The following IL1RAP variants were observed in gnomAD, a reference collection of about 807,000 sequenced individuals.
IL1RAP encodes interleukin 1 receptor accessory protein, also known as interleukin-1 receptor accessory protein.
IL1RAP carries 35 observed loss-of-function variants against 60.7 expected under a neutral mutation model. That is an observed-to-expected ratio of 0.58 (90% confidence interval 0.44 to 0.76). The LOEUF (loss-of-function observed/expected upper bound fraction) is 0.76. Among genes scored for constraint, IL1RAP ranks in the 30% least tolerant of loss-of-function variants. The probability of loss-of-function intolerance (pLI) is 0.00; values close to 1 mark genes in which losing one functional copy is unlikely to be tolerated. For missense variants in IL1RAP, 572 were observed against 693.9 expected, an observed-to-expected ratio of 0.82 and a Z score of 1.97; for synonymous variants, 268 against 250.9, an observed-to-expected ratio of 1.07 and a Z score of -0.64.
intron 3 of IL1RAP, among the ~76,000 whole-genome samples, chr3:190,566,097 C>T (rs1270004144): frequency 1.3e-5 from 2 of 151,956 alleles, no homozygotes; most frequent in Non-Finnish European, 2.9e-5. Flanking sequence ...TTCCTCCTTC[C>T]CTCCCTCTGT....
At chr3:190,558,673 A>C (rs1725635740) in intron 2 of IL1RAP, among the ~76,000 whole-genome samples, 1 of 152,004 alleles carries the variant, frequency 6.6e-6, no homozygotes. Context: ...CTTTTTCAAA[A>C]TTTTTCTCAA....
chr3:190,580,724 G>A (rs917548873), intron 3 of IL1RAP, among the ~76,000 whole-genome samples: 4 of 152,154 alleles, frequency 2.6e-5, no homozygotes, highest in Non-Finnish European at 5.9e-5. Context: ...CTACTCTACA[G>A]CTTAGTGCCT....
At chr3:190,617,549 T>C (rs1355378909) in intron 5 of IL1RAP, among the ~76,000 whole-genome samples, 1 of 152,222 alleles carries the variant, frequency 6.6e-6, no homozygotes, top group Non-Finnish European at 1.5e-5. Flanking sequence ...GACAAGTGTT[T>C]GCTTTATTGT....
chr3:190,648,414 C>T lies in IL1RAP; in HGVS notation c.1422C>T (p.Leu474=), dbSNP rs1734188515. Residue 474 remains leucine (L), a synonymous_variant, in exon 12 of 12, where the codon CTC becomes CTT. Transcript: ENST00000447382. ...TTGTTCTAAGCCCCAACTACGTGCT[C>T]CAGGGAACCCAAGCCCTCCTGGAGC... ...LLVVLSPNYV[L]QGTQALLELK... is the part of the protein sequence containing the mutation. The T allele has an allele frequency of 6.2e-7, 1 of 1,614,038 alleles. No individual in the cohort carries two copies. Among genetic ancestry groups the T allele is most frequent in the Non-Finnish European group, 8.5e-7 (1 of 1,179,960 alleles).
At chr3:190,608,962 T>C (rs751450674) in intron 4 of IL1RAP, 33 bp from the exon 5 acceptor site, 1 of 1,554,328 alleles carries the variant, frequency 6.4e-7, no homozygotes, top group South Asian at 1.1e-5. Flanking sequence ...CAAATGCAAA[T>C]ACTACCCATT....
chr3:190,554,018 G>A (rs1560164033), intron 1 of IL1RAP, among the ~76,000 whole-genome samples: 1 of 130,546 alleles, frequency 7.7e-6, no homozygotes, highest in Non-Finnish European at 1.5e-5. Context: ...CCGAGATCCC[G>A]CCACTGCACT....
intron 3 of IL1RAP, among the ~76,000 whole-genome samples, chr3:190,570,930 T>C (rs2108646244): frequency 6.6e-6 from 1 of 152,270 alleles, no homozygotes; most frequent in East Asian, 1.9e-4. Flanking sequence ...GGTGTTTGCG[T>C]TTCCCCCTTC....
At chr3:190,515,510 A>G (rs901090622) in intron 1 of IL1RAP, among the ~76,000 whole-genome samples, 1 of 152,168 alleles carries the variant, frequency 6.6e-6, no homozygotes. Flanking sequence ...GAATTTGAGC[A>G]ACTCTTTTAT....
chr3:190,653,874 G>A (rs1034047323), downstream of IL1RAP, among the ~76,000 whole-genome samples: 9 of 152,106 alleles, frequency 5.9e-5, no homozygotes, highest in Non-Finnish European at 1.2e-4. Flanking sequence ...ATGCAATAAA[G>A]CATGCAACTC....
chr3:190,623,527 A>G, intron 7 of IL1RAP, 112 bp downstream of exon 7: 1 of 810,734 alleles, frequency 1.2e-6, no homozygotes, highest in Non-Finnish European at 2.0e-6. Flanking sequence ...AAACACATGA[A>G]TTGAAACTGA....
At chr3:190,600,792 C>T (rs1223154948) in intron 3 of IL1RAP, among the ~76,000 whole-genome samples, 1 of 152,248 alleles carries the variant, frequency 6.6e-6, no homozygotes, top group African/African-American at 2.4e-5. Context: ...TATCTTGATG[C>T]TGATAATTCC....
In IL1RAP at chr3:190,644,360, T is replaced by C; in HGVS notation, c.1164T>C (p.Phe388=). The part of the protein sequence containing the change: ...YHVYWLEMVL[F]YRAHFGTDET... ...TTTACTGGCTAGAGATGGTCCTATT[T>C]TACCGGGCTCATTTTGGAACAGATG... The change falls in exon 10 of 12, where the codon TTT becomes TTC. Residue 388 remains phenylalanine, a synonymous_variant. Coordinates refer to ENST00000447382, the MANE Select transcript of IL1RAP (RefSeq NM_002182.4). 1 of 1,614,074 alleles carries C rather than the reference T, an allele frequency of 6.2e-7. No individual in the cohort carries two copies. The highest frequency in any genetic ancestry group is 1.1e-5 in the South Asian group (1 of 91,068).
downstream of IL1RAP, among the ~76,000 whole-genome samples, chr3:190,654,229 C>CACACACAA (rs932868449): frequency 7.3e-5 from 11 of 150,212 alleles, no homozygotes; most frequent in East Asian, 1.6e-3. Context: ...CACACACACA[C>CACACACAA]AATTTGCATG....
At chr3:190,547,640 G>A (rs3773989) in intron 1 of IL1RAP, among the ~76,000 whole-genome samples, 61,734 of 152,008 alleles carry the variant, frequency 0.41, 14,225 homozygotes, top group East Asian at 0.59. Flanking sequence ...TCTCCTATAG[G>A]CTGAGAATAC....
chr3:190,648,234 T>C (rs891266012), intron 11 of IL1RAP, 104 bp from the exon 12 acceptor site: 28 of 1,440,080 alleles, frequency 1.9e-5, no homozygotes, highest in African/African-American at 4.3e-5. Context: ...TTCACCTCAA[T>C]TCTTAGGCTG....
chr3:190,589,154 C>T (rs185873360), intron 3 of IL1RAP, among the ~76,000 whole-genome samples: 5 of 152,232 alleles, frequency 3.3e-5, no homozygotes, highest in African/African-American at 1.2e-4. Flanking sequence ...TAGGGGACTT[C>T]AGTGTTCAGA....
intron 1 of IL1RAP, among the ~76,000 whole-genome samples, chr3:190,547,286 C>T (rs1724456217): frequency 6.6e-6 from 1 of 152,134 alleles, no homozygotes; most frequent in Non-Finnish European, 1.5e-5. Context: ...GGCCATAGTC[C>T]TCCGCCCCTT....
chr3:190,649,199 G>A lies in IL1RAP; in HGVS notation c.*494G>A. 1 of 987,096 alleles carries A rather than the reference G, an allele frequency of 1.0e-6. No individual in the cohort carries two copies. The highest frequency in any genetic ancestry group is 1.2e-6 in the Non-Finnish European group (1 of 831,182). 61.1% of individuals were successfully genotyped at this position (987,096 alleles called of 1,614,324 possible). ...GATAATGAACTTTTTTCCTCATTCG[G>A]CTGTATAATACATAACCACAGCAAG... On this transcript the variant is annotated 3_prime_UTR_variant, in exon 12 of 12. Transcript: ENST00000447382.
chr3:190,553,844 A>C (rs1212625262), intron 1 of IL1RAP, among the ~76,000 whole-genome samples: 1 of 151,860 alleles, frequency 6.6e-6, no homozygotes, highest in Non-Finnish European at 1.5e-5. Flanking sequence ...GCGGATCACG[A>C]GGTCAGGAGA....
Sources: allele counts gnomAD v4.1 joint callset (sites outside exome capture counted in the v4.1 genomes callset), GRCh38; gene constraint gnomAD v4.1.1; transcripts MANE v1.5; gene names NCBI Gene and HGNC (gene_info 2026-07-23, HGNC 2026-07-21).